The following LIN9 variants were observed in gnomAD, a reference collection of about 807,000 sequenced individuals.
The protein encoded by LIN9 is protein lin-9 homolog.
A neutral mutation model predicts 78.0 loss-of-function variants in LIN9; 18 were observed. That is an observed-to-expected ratio of 0.23 (90% CI 0.16 to 0.34). The LOEUF (loss-of-function observed/expected upper bound fraction) is 0.34, where lower values mean the gene tolerates loss of function less well. Among genes scored for constraint, LIN9 ranks in the 10% least tolerant of loss-of-function variants. The probability of loss-of-function intolerance (pLI) is 1.00; values close to 1 mark genes in which losing one functional copy is unlikely to be tolerated. For synonymous variants in LIN9, 192 were observed against 215.2 expected (o/e 0.89, Z 0.94); for missense variants, 451 against 644.1 (o/e 0.70, Z 3.25).
At chr1:226,299,115 T>C (rs1662348977) in intron 2 of LIN9, among the ~76,000 whole-genome samples, 3 of 152,174 alleles carry the variant, frequency 2.0e-5, no homozygotes, top group Non-Finnish European at 4.4e-5. Context: ...GGGATGAATA[T>C]ACAAGCTGGT....
At chr1:226,302,872 T>C (rs1046650823) in intron 1 of LIN9, among the ~76,000 whole-genome samples, 2 of 152,202 alleles carry the variant, frequency 1.3e-5, no homozygotes, top group East Asian at 1.9e-4. Flanking sequence ...TTAAACACTA[T>C]GCATCTCTGA....
At chr1:226,298,969 C>G (rs1448741026) in intron 2 of LIN9, among the ~76,000 whole-genome samples, 1 of 152,000 alleles carries the variant, frequency 6.6e-6, no homozygotes, top group East Asian at 1.9e-4. Context: ...CAGAGTTGTA[C>G]ACAAGCAGAA....
intron 10 of LIN9, among the ~76,000 whole-genome samples, chr1:226,258,344 T>C (rs1347907316): frequency 6.7e-6 from 1 of 149,002 alleles, no homozygotes; most frequent in Non-Finnish European, 1.5e-5. Flanking sequence ...CTACTAAAAA[T>C]ACTAATATTA....
intron 8 of LIN9, 103 bp downstream of exon 8, chr1:226,267,854 G>T: frequency 1.6e-6 from 2 of 1,226,896 alleles, no homozygotes; most frequent in Non-Finnish European, 2.2e-6. Flanking sequence ...CTTCCTCTGT[G>T]AGATAAAGTC....
intron 10 of LIN9, among the ~76,000 whole-genome samples, chr1:226,260,289 T>C (rs1265653892): frequency 6.6e-6 from 1 of 152,178 alleles, no homozygotes; most frequent in East Asian, 1.9e-4. Context: ...CTCTGTTATG[T>C]TTTAGAGGAT....
chr1:226,298,790 G>A (rs1053162409), intron 2 of LIN9, among the ~76,000 whole-genome samples: 10 of 152,080 alleles, frequency 6.6e-5, no homozygotes, highest in African/African-American at 2.4e-4. Context: ...AACCTGGGAG[G>A]CGAAGGTCGA....
At chr1:226,297,417 T>A (rs1281617658) in intron 3 of LIN9, among the ~76,000 whole-genome samples, 1 of 152,192 alleles carries the variant, frequency 6.6e-6, no homozygotes, top group Admixed American at 6.5e-5. Flanking sequence ...ATATATATAT[T>A]TTTGCAGGTA....
chr1:226,259,733 T>C (rs969891644), intron 10 of LIN9, among the ~76,000 whole-genome samples: 3 of 151,548 alleles, frequency 2.0e-5, no homozygotes, highest in African/African-American at 7.3e-5. Context: ...TAGATAAAAA[T>C]AAAAAGACAA....
intron 12 of LIN9, among the ~76,000 whole-genome samples, chr1:226,238,585 A>G (rs1200790687): frequency 6.6e-6 from 1 of 152,010 alleles, no homozygotes; most frequent in East Asian, 1.9e-4. Flanking sequence ...GCAAGATTGC[A>G]TCACTGTACT....
chr1:226,254,146 T>C (rs1659040271), intron 10 of LIN9, among the ~76,000 whole-genome samples: 1 of 152,138 alleles, frequency 6.6e-6, no homozygotes, highest in African/African-American at 2.4e-5. Flanking sequence ...TTGCCCAGGC[T>C]TGTCTTCAAC....
chr1:226,290,945 T>G (rs1324496703), intron 4 of LIN9, among the ~76,000 whole-genome samples: 1 of 151,600 alleles, frequency 6.6e-6, no homozygotes, highest in African/African-American at 2.4e-5. Context: ...TTAGTAGAGA[T>G]GGGGTTTTGC....
chr1:226,288,711 T>C (rs1661531681), intron 4 of LIN9, among the ~76,000 whole-genome samples: 1 of 148,434 alleles, frequency 6.7e-6, no homozygotes, highest in South Asian at 2.2e-4. Context: ...TGTAGGAATA[T>C]ACTTACGAAA....
intron 4 of LIN9, 42 bp from the exon 5 acceptor site, chr1:226,287,839 G>A: frequency 7.1e-7 from 1 of 1,412,216 alleles, no homozygotes; most frequent in East Asian, 2.6e-5. Flanking sequence ...GCTCCATTAA[G>A]TAAAAATGAA....
At chr1:226,257,134 G>A (rs1053711409) in intron 10 of LIN9, among the ~76,000 whole-genome samples, 1 of 151,682 alleles carries the variant, frequency 6.6e-6, no homozygotes, top group Non-Finnish European at 1.5e-5. Context: ...ATTTTTAGTA[G>A]AGACGGGGTT....
chr1:226,272,035 G>A (rs1169231558), intron 7 of LIN9, among the ~76,000 whole-genome samples: 3 of 140,526 alleles, frequency 2.1e-5, no homozygotes, highest in South Asian at 2.2e-4. Flanking sequence ...TTTTTAATCC[G>A]TTCTCATTAT....
intron 10 of LIN9, among the ~76,000 whole-genome samples, chr1:226,255,987 A>G (rs980539590): frequency 2.6e-5 from 4 of 152,098 alleles, no homozygotes; most frequent in Non-Finnish European, 5.9e-5. Flanking sequence ...CAAATACCAA[A>G]GCAAAGATCT....
chr1:226,273,918 A>G (rs1238442239), intron 7 of LIN9, among the ~76,000 whole-genome samples: 1 of 150,904 alleles, frequency 6.6e-6, no homozygotes, highest in East Asian at 2.0e-4. Context: ...GCTCACTGCA[A>G]CCTCCGCCTC....
intron 7 of LIN9, among the ~76,000 whole-genome samples, chr1:226,272,200 G>A (rs1231997171): frequency 6.6e-6 from 1 of 151,910 alleles, no homozygotes; most frequent in South Asian, 2.1e-4. Flanking sequence ...GGGATTACAG[G>A]CACGTGCCAC....
rs916745370 is a variant in LIN9, at chr1:226,265,913, G to A, written c.937-279C>T. Among the ~76,000 whole-genome samples, 1 of 151,956 alleles carries A rather than the reference G, an allele frequency of 6.6e-6. No individual in the cohort carries two copies. The highest frequency in any genetic ancestry group is 1.5e-5 in the Non-Finnish European group (1 of 67,984). ...AGGTTGGTCTCGAACTCCTGACCTC[G>A]TGATCCGCCTGCCTCAGCCTCCCAA... On this transcript the variant is annotated intron_variant, in intron 9 of 14. Coordinates refer to ENST00000681046, the MANE Select transcript of LIN9 (RefSeq NM_001366245.2). This position sits in a 1 kb window ranked among gnomAD's most constrained non-coding sequence, Gnocchi z 4.1.
Sources: gnomAD v4.1 joint callset for allele counts (sites outside exome capture counted in the v4.1 genomes callset) on GRCh38, gnomAD v4.1.1 for gene constraint, Gnocchi (gnomAD v3.1) non-coding constraint, MANE v1.5 for transcripts, NCBI Gene and HGNC (gene_info 2026-07-23, HGNC 2026-07-21) for gene names.